TIPARP: variants seen among roughly 807,000 people sequenced by gnomAD.
TIPARP encodes the protein TCDD inducible poly(ADP-ribose) polymerase.
In TIPARP, 12 loss-of-function variants were observed where a neutral mutation model predicts 56.5. The ratio of observed to expected loss-of-function variants is 0.21; its 90% confidence interval spans 0.14 to 0.34. The LOEUF (loss-of-function observed/expected upper bound fraction) is 0.34, where lower values mean the gene tolerates loss of function less well. TIPARP is among the 10% of genes least tolerant of loss of function. The probability of loss-of-function intolerance (pLI) is 1.00; values close to 1 mark genes in which losing one functional copy is unlikely to be tolerated. For synonymous variants in TIPARP, 296 were observed against 265.7 expected, an observed-to-expected ratio of 1.11 and a Z score of -1.11; for missense variants, 604 against 781.6, an observed-to-expected ratio of 0.77 and a Z score of 2.71.
intron 4 of TIPARP, among the ~76,000 whole-genome samples, chr3:156,701,297 C>T (rs1267126968): frequency 6.6e-6 from 1 of 152,150 alleles, no homozygotes; most frequent in East Asian, 1.9e-4. Flanking sequence ...GGAACGGGTC[C>T]ATAGTAGTGA....
intron 2 of TIPARP, among the ~76,000 whole-genome samples, chr3:156,688,605 T>C (rs1722492454): frequency 6.6e-6 from 1 of 152,072 alleles, no homozygotes; most frequent in Non-Finnish European, 1.5e-5. Flanking sequence ...TACATAGTTT[T>C]CTGAAGTTTA....
chr3:156,678,387 G>A lies in TIPARP; in HGVS notation c.690G>A (p.Leu230=). 2 of 1,614,208 alleles carry A rather than the reference G, an allele frequency of 1.2e-6. No individual in the cohort carries two copies. Among genetic ancestry groups the A allele is most frequent in the South Asian group, 2.2e-5 (2 of 91,080 alleles). ...TCGTGTTTGAGCTGGTGAACCAGTT[G>A]CAGTACCACACTCACCAAGAGAACG... The part of the protein sequence containing the change: ...LDLVFELVNQ[L]QYHTHQENGI... Residue 230 remains leucine (L), a synonymous_variant, in exon 2 of 6, where the codon TTG becomes TTA. Coordinates refer to ENST00000295924, the MANE Select transcript of TIPARP (RefSeq NM_015508.5).
chr3:156,677,781 ACT>A lies in TIPARP; in HGVS notation c.89_90del (p.Ser30Ter). On this transcript the variant is annotated frameshift_variant, in exon 2 of 6. Coordinates refer to ENST00000295924, the MANE Select transcript of TIPARP (RefSeq NM_015508.5). LOFTEE classifies it high-confidence loss of function. ...PPDDFSCQMR[L>X]SEKITPLKTC... ...CTGATGACTTTTCATGCCAAATGAG[ACT>A]CTCTGAGAAGATCACTCCATTGAAG... 6.2e-7 allele frequency: 1 copy of A among 1,614,044 alleles called. No individual in the cohort carries two copies. The highest frequency in any genetic ancestry group is 8.5e-7 in the Non-Finnish European group (1 of 1,180,014).
At chr3:156,683,196 G>GA (rs2108488652) in intron 2 of TIPARP, among the ~76,000 whole-genome samples, 1 of 152,214 alleles carries the variant, frequency 6.6e-6, no homozygotes, top group South Asian at 2.1e-4. Flanking sequence ...ACAGTTGGAG[G>GA]AAATAGCTTG....
chr3:156,687,598 T>C (rs1258087070), intron 2 of TIPARP, among the ~76,000 whole-genome samples: 1 of 152,222 alleles, frequency 6.6e-6, no homozygotes, highest in Non-Finnish European at 1.5e-5. Context: ...TGTATTCAAA[T>C]GGCTATGTCT....
chr3:156,696,164 T>A, intron 4 of TIPARP, 139 bp downstream of exon 4: 1 of 863,102 alleles, frequency 1.2e-6, no homozygotes, highest in Non-Finnish European at 1.7e-6. Flanking sequence ...GTCTTTGGAT[T>A]TTAATTCCTC....
At chr3:156,703,001 C>T (rs1244697503) in intron 4 of TIPARP, among the ~76,000 whole-genome samples, 1 of 152,308 alleles carries the variant, frequency 6.6e-6, no homozygotes, top group Middle Eastern at 3.4e-3. Context: ...TTGCTGCATG[C>T]CTTACTTTGT....
chr3:156,695,789 G>A, intron 3 of TIPARP, 76 bp from the exon 4 acceptor site: 1 of 1,455,706 alleles, frequency 6.9e-7, no homozygotes, highest in Non-Finnish European at 9.0e-7. Context: ...TTTTGCCTTT[G>A]GTTAATTTTC....
At position 156,703,452 on chromosome 3, in the gene TIPARP, C is replaced by T. The variant is rs1289740413; in HGVS notation, c.1276C>T (p.Pro426Ser). The change falls in exon 5 of 6, where the codon CCT becomes TCT. Residue 426 changes from proline to serine, a missense_variant. Pro to Ser is a moderately conservative substitution (Grantham distance 74, BLOSUM62 -1). Transcript: ENST00000295924. ...QTLGGVPTQA[P>S]PPLEATSSSQ... ...ACTTGGTGGGGTTCCCACACAAGCT[C>T]CTCCACCTCTTGAAGCAACTTCATC... 6.2e-7 allele frequency: 1 copy of T among 1,614,202 alleles called. No homozygotes were observed. The highest frequency in any genetic ancestry group is 8.5e-7 in the Non-Finnish European group (1 of 1,180,030).
At chr3:156,697,208 G>A (rs1190444817) in intron 4 of TIPARP, among the ~76,000 whole-genome samples, 1 of 152,118 alleles carries the variant, frequency 6.6e-6, no homozygotes, top group Non-Finnish European at 1.5e-5. Context: ...GCTGGAGATA[G>A]TGTCAGTGTC....
chr3:156,705,262 G>T lies in TIPARP; in HGVS notation c.*131G>T. On this transcript the variant is annotated 3_prime_UTR_variant, in exon 6 of 6. Transcript: ENST00000295924. ...GCACTTTTCAGACCCATTTTTTAAA[G>T]TGCTAGAAAATGCTTTTTTTAAAAA... is the stretch of plus-strand genomic sequence containing the variant. 2 of 633,818 alleles carry T rather than the reference G, an allele frequency of 3.2e-6. No homozygotes were observed. The highest frequency in any genetic ancestry group is 5.1e-6 in the Non-Finnish European group (2 of 389,400). 39.3% of individuals were successfully genotyped at this position (633,818 alleles called of 1,614,324 possible).
chr3:156,681,933 C>T (rs1312675924), intron 2 of TIPARP, among the ~76,000 whole-genome samples: 1 of 151,778 alleles, frequency 6.6e-6, no homozygotes, highest in Admixed American at 6.6e-5. Flanking sequence ...GTTGTGTTTT[C>T]GATTAAGAAA....
At chr3:156,693,317 A>C (rs1722624736) in intron 2 of TIPARP, among the ~76,000 whole-genome samples, 1 of 152,216 alleles carries the variant, frequency 6.6e-6, no homozygotes. Context: ...TCTGATTCAT[A>C]TAGTGGGACT....
At chr3:156,688,351 G>C (rs1352963285) in intron 2 of TIPARP, among the ~76,000 whole-genome samples, 2 of 135,500 alleles carry the variant, frequency 1.5e-5, no homozygotes, top group African/African-American at 5.7e-5. Context: ...ACTCCAGCCT[G>C]GGTGACAGAA....
At chr3:156,687,210 C>T (rs1396317696) in intron 2 of TIPARP, among the ~76,000 whole-genome samples, 1 of 152,100 alleles carries the variant, frequency 6.6e-6, no homozygotes, top group African/African-American at 2.4e-5. Context: ...ATTTATAGTG[C>T]CTTCTGTGAT....
At position 156,703,445 on chromosome 3, in the gene TIPARP, A is replaced by C. The variant is rs1323754424; in HGVS notation, c.1269A>C (p.Thr423=). 6.2e-7 allele frequency: 1 copy of C among 1,614,170 alleles called. No individual in the cohort carries two copies. The highest frequency in any genetic ancestry group is 1.7e-5 in the Admixed American group (1 of 60,006). Residue 423 remains threonine (T), a synonymous_variant, in exon 5 of 6, where the codon ACA becomes ACC. Coordinates refer to ENST00000295924, the MANE Select transcript of TIPARP (RefSeq NM_015508.5). Reference sequence around the variant, plus strand: ...TTAGGACACTTGGTGGGGTTCCCACACAAGCTCCTCCACCTCTTGAAGCAA... The same window carrying C: ...TTAGGACACTTGGTGGGGTTCCCACCCAAGCTCCTCCACCTCTTGAAGCAA... ...PYLQTLGGVP[T]QAPPPLEATS...
Position 156,705,062 on chromosome 3 carries a change from T to C in TIPARP, c.1905T>C (p.Phe635=). The C allele has an allele frequency of 6.2e-7, 1 of 1,614,130 alleles. No individual in the cohort carries two copies. The highest frequency in any genetic ancestry group is 8.5e-7 in the Non-Finnish European group (1 of 1,179,970). Residue 635 remains phenylalanine, a synonymous_variant, in exon 6 of 6, where the codon TTT becomes TTC. Coordinates refer to ENST00000295924, the MANE Select transcript of TIPARP (RefSeq NM_015508.5). ...NFFEPQIFVI[F]NDDQSYPYFV... is the part of the protein sequence containing the mutation. ...TTGAGCCTCAGATTTTTGTCATTTT[T>C]AATGATGACCAGAGTTACCCTTATT... is the stretch of plus-strand genomic sequence containing the variant.
At chr3:156,682,240 A>C (rs1722327419) in intron 2 of TIPARP, among the ~76,000 whole-genome samples, 1 of 152,170 alleles carries the variant, frequency 6.6e-6, no homozygotes, top group South Asian at 2.1e-4. Flanking sequence ...GATTATTTCT[A>C]ATTCTGAATT....
At chr3:156,692,022 C>T (rs911923260) in intron 2 of TIPARP, among the ~76,000 whole-genome samples, 1 of 152,066 alleles carries the variant, frequency 6.6e-6, no homozygotes, top group African/African-American at 2.4e-5. Context: ...GAGTGATGTC[C>T]AGAATAAAAT....
Sources: gnomAD v4.1 joint callset for allele counts (sites outside exome capture counted in the v4.1 genomes callset) on GRCh38, gnomAD v4.1.1 for gene constraint, MANE v1.5 for transcripts, NCBI Gene and HGNC (gene_info 2026-07-23, HGNC 2026-07-21) for gene names.